The following TRAK2 variants were observed in gnomAD, a reference collection of about 807,000 sequenced individuals.
The protein encoded by TRAK2 is trafficking kinesin-binding protein 2.
In TRAK2, 81 loss-of-function variants were observed where a neutral mutation model predicts 104.6. The ratio of observed to expected loss-of-function variants is 0.77; its 90% confidence interval spans 0.65 to 0.93. TRAK2 has a LOEUF of 0.93. Ranked by LOEUF, TRAK2 falls within the 40% of genes least tolerant of loss-of-function variation. The pLI, the probability that TRAK2 is intolerant of heterozygous loss-of-function variation, is 0.00. For missense variants in TRAK2, 1,002 were observed against 1,089.0 expected (o/e 0.92, Z 1.12); for synonymous variants, 406 against 394.4 (o/e 1.03, Z -0.35).
rs954729910 is a variant in TRAK2 at position 201,377,782 on chromosome 2, G to T, written c.*2761C>A. The T allele has an allele frequency of 1.3e-5, 2 of 152,114 alleles. No homozygotes were observed. Among genetic ancestry groups the T allele is most frequent in the South Asian group, 4.1e-4 (2 of 4,824 alleles). 9.4% of individuals were successfully genotyped at this position (152,114 alleles called of 1,614,324 possible). A position where few individuals can be genotyped will look rare whatever the true frequency, so the allele number is the denominator to read the frequency against. On this transcript the variant is annotated 3_prime_UTR_variant, in exon 16 of 16. Coordinates refer to ENST00000332624, the MANE Select transcript of TRAK2 (RefSeq NM_015049.3). ...GATTTGGGATCTTCATAATTTAGGA[G>T]AACTTTTAATTCTGAGCTCGGGAAG...
At chr2:201,420,332 A>G (rs1214791143) in intron 2 of TRAK2, 85 bp downstream of exon 2, 2 of 1,138,662 alleles carry the variant, frequency 1.8e-6, no homozygotes, top group South Asian at 1.3e-5. Context: ...GGGTTTCATC[A>G]TGATAGGTCA....
chr2:201,424,119 T>C (rs573871335), intron 1 of TRAK2, among the ~76,000 whole-genome samples: 3 of 152,304 alleles, frequency 2.0e-5, no homozygotes, highest in Admixed American at 6.5e-5. Context: ...AATAGAATTA[T>C]AATGAATCAA....
chr2:201,449,441 TG>T (rs531338864), intron 1 of TRAK2, among the ~76,000 whole-genome samples: 58 of 151,730 alleles, frequency 3.8e-4, no homozygotes, highest in Middle Eastern at 3.4e-3. Flanking sequence ...AGCTCCCACC[TG>T]GGGTGCCTGG....
chr2:201,438,321 A>G (rs1951893897), intron 1 of TRAK2, among the ~76,000 whole-genome samples: 2 of 152,228 alleles, frequency 1.3e-5, no homozygotes. Context: ...TGATAAAGAA[A>G]TATGTTCTCA....
intron 2 of TRAK2, 60 bp downstream of exon 2, chr2:201,420,357 A>C: frequency 7.2e-7 from 1 of 1,385,748 alleles, no homozygotes; most frequent in Non-Finnish European, 1.0e-6. Context: ...TGCTGGACTG[A>C]GGCATTTGCA....
At chr2:201,389,272 AG>A in intron 12 of TRAK2, 27 bp downstream of exon 12, 1 of 1,601,014 alleles carries the variant, frequency 6.2e-7, no homozygotes, top group Non-Finnish European at 8.6e-7. Flanking sequence ...AAAGAAATGC[AG>A]AATCACTGTT....
Position 201,418,028 on chromosome 2 carries a change from G to A in TRAK2, c.91+2389C>T, listed in dbSNP as rs138567673. Among the ~76,000 whole-genome samples the A allele has an allele frequency of 8.4e-4, 128 of 152,124 alleles. 1 individual carries two copies. In the East Asian group the frequency reaches 0.022, roughly 26 times the overall value. ...TATACAATAAAAACTATAAAATACT[G>A]GTAAGAGAAATTAAAGAGGACCTAA... On this transcript the variant is annotated intron_variant, in intron 2 of 15. Transcript: ENST00000332624.
rs975840187 is a variant in TRAK2 at position 201,389,785 on chromosome 2, T to C, written c.1193+16A>G. Reference sequence around the variant, plus strand: ...ATTCCAATGATTGAGTAACAACACATGTGACCTGTACTTACTTTTGTTTAA... The same window carrying C: ...ATTCCAATGATTGAGTAACAACACACGTGACCTGTACTTACTTTTGTTTAA... On this transcript the variant is annotated intron_variant, in intron 11 of 15. Coordinates refer to ENST00000332624, the MANE Select transcript of TRAK2 (RefSeq NM_015049.3). 6.3e-7 allele frequency: 1 copy of C among 1,595,432 alleles called. No individual in the cohort carries two copies. Among genetic ancestry groups the C allele is most frequent in the South Asian group, 1.1e-5 (1 of 88,584 alleles).
intron 14 of TRAK2, among the ~76,000 whole-genome samples, chr2:201,385,435 C>A (rs1311763438): frequency 6.6e-6 from 1 of 152,002 alleles, no homozygotes; most frequent in African/African-American, 2.4e-5. Flanking sequence ...CTCGATCTCC[C>A]AAAGTGCTGG....
At chr2:201,414,002 A>G (rs1422528606) in intron 2 of TRAK2, among the ~76,000 whole-genome samples, 1 of 152,198 alleles carries the variant, frequency 6.6e-6, no homozygotes, top group Non-Finnish European at 1.5e-5. Flanking sequence ...ATCCTTTCAG[A>G]GCCTTAATTT....
chr2:201,441,699 T>C (rs949939069), intron 1 of TRAK2, among the ~76,000 whole-genome samples: 1 of 150,778 alleles, frequency 6.6e-6, no homozygotes, highest in Non-Finnish European at 1.5e-5. Flanking sequence ...TTTTTTTTAA[T>C]TTTCTCCCCC....
At chr2:201,444,205 AAATAAAT>A (rs1951947794) in intron 1 of TRAK2, among the ~76,000 whole-genome samples, 1 of 152,072 alleles carries the variant, frequency 6.6e-6, no homozygotes, top group Non-Finnish European at 1.5e-5. Context: ...TGTCTCAAAA[AAATAAAT>A]AATAAAATAA....
At position 201,447,149 on chromosome 2, in the gene TRAK2, T is replaced by C. The variant is rs2125665196; in HGVS notation, c.-200+4201A>G. On this transcript the variant is annotated intron_variant, in intron 1 of 15. Coordinates refer to ENST00000332624, the MANE Select transcript of TRAK2 (RefSeq NM_015049.3). This position sits in a 1 kb window ranked among gnomAD's most constrained non-coding sequence, Gnocchi z 4.1. ...TAGTCTTTCTAAAATGCAAATCTAA[T>C]GCTTTTCCACTGCTACAAACCACCT... Among the ~76,000 whole-genome samples, 1 of 152,370 alleles carries C rather than the reference T, an allele frequency of 6.6e-6. No homozygotes were observed. The highest frequency in any genetic ancestry group is 2.4e-5 in the African/African-American group (1 of 41,590).
chr2:201,434,664 T>C (rs953289252), intron 1 of TRAK2, among the ~76,000 whole-genome samples: 17 of 152,224 alleles, frequency 1.1e-4, no homozygotes, highest in African/African-American at 3.4e-4. Context: ...ACCAAACTCT[T>C]AAAGAAATTG....
rs1186352009 is a variant in TRAK2, at chr2:201,389,287, A to G, written c.1397+13T>C. 2 of 1,612,880 alleles carry G rather than the reference A, an allele frequency of 1.2e-6. No individual in the cohort carries two copies. Among genetic ancestry groups the G allele is most frequent in the Admixed American group, 3.3e-5 (2 of 60,018 alleles). ...AAAGAAATGCAGAATCACTGTTATC[A>G]TCGGATTCCTACCCTGCAACCTCCT... On this transcript the variant is annotated intron_variant, in intron 12 of 15. Transcript: ENST00000332624.
chr2:201,434,108 C>T (rs1412091686), intron 1 of TRAK2, among the ~76,000 whole-genome samples: 2 of 152,196 alleles, frequency 1.3e-5, no homozygotes, highest in South Asian at 4.1e-4. Flanking sequence ...CAGGCGTCCG[C>T]CACCGCGCCC....
chr2:201,410,818 G>C, intron 2 of TRAK2: 1 of 1,606,716 alleles, frequency 6.2e-7, no homozygotes, highest in Non-Finnish European at 8.5e-7. Context: ...ATTATTAAGG[G>C]CAGACATATC....
rs368157831 is a variant in TRAK2, at chr2:201,393,040, C to T, written c.982G>A (p.Glu328Lys). The T allele has an allele frequency of 1.4e-5, 22 of 1,608,980 alleles. No individual in the cohort carries two copies. Among genetic ancestry groups the T allele is most frequent in the South Asian group, 5.5e-5 (5 of 90,318 alleles). Residue 328 changes from glutamate (E) to lysine (K), a missense_variant, in exon 10 of 16, where the codon GAG becomes AAG. Coordinates refer to ENST00000332624, the MANE Select transcript of TRAK2 (RefSeq NM_015049.3). ...AQRQLTMELHELQDRNMECLG... is the reference protein window; with the variant it reads ...AQRQLTMELHKLQDRNMECLG... The stretch of plus-strand genomic sequence containing the variant: ...CACTCCATATTCCTGTCTTGTAACT[C>T]GTGCAGCTAAAAGAAAGGATGGTAG...
At chr2:201,441,430 A>G (rs1041505169) in intron 1 of TRAK2, among the ~76,000 whole-genome samples, 3 of 152,224 alleles carry the variant, frequency 2.0e-5, no homozygotes, top group Non-Finnish European at 4.4e-5. Flanking sequence ...ATGGTCAGAT[A>G]TCTTCTTTTA....
Sources: gnomAD v4.1 joint callset for allele counts (sites outside exome capture counted in the v4.1 genomes callset) on GRCh38, gnomAD v4.1.1 for gene constraint, Gnocchi (gnomAD v3.1) non-coding constraint, MANE v1.5 for transcripts, NCBI Gene and HGNC (gene_info 2026-07-23, HGNC 2026-07-21) for gene names.